The following HSD17B3 variants were observed in gnomAD, a reference collection of about 807,000 sequenced individuals.
HSD17B3 encodes hydroxysteroid 17-beta dehydrogenase 3.
HSD17B3 carries 29 observed loss-of-function variants against 41.1 expected under a neutral mutation model. The observed-to-expected ratio is 0.71, with a 90% CI of 0.53 to 0.96. HSD17B3 has a LOEUF of 0.96. HSD17B3 is among the 40% of genes least tolerant of loss of function. HSD17B3 has a pLI of 0.00. For synonymous variants in HSD17B3, 126 were observed against 145.6 expected (o/e 0.87, Z 0.97); for missense variants, 323 against 374.6 (o/e 0.86, Z 1.14).
Position 96,251,405 on chromosome 9 carries a change from A to G in HSD17B3, c.453+13T>C, listed in dbSNP as rs764295224. 2.5e-6 allele frequency: 4 copies of G among 1,611,574 alleles called. No homozygotes were observed. Among genetic ancestry groups the G allele is most frequent in the Admixed American group, 1.7e-5 (1 of 60,000 alleles). On this transcript the variant is annotated intron_variant, in intron 5 of 10. Coordinates refer to ENST00000375263, the MANE Select transcript of HSD17B3 (RefSeq NM_000197.2). ...GATAAGAGGAATCTATACACAGAAG[A>G]GCACAAGTCTACCTGGATTTCATCC...
chr9:96,291,938 C>G (rs1454051111), intron 2 of HSD17B3, among the ~76,000 whole-genome samples: 1 of 151,360 alleles, frequency 6.6e-6, no homozygotes, highest in Non-Finnish European at 1.5e-5. Flanking sequence ...GCCTAGGTGA[C>G]AGAGTGAGAC....
chr9:96,243,712 C>G (rs1222987848), intron 9 of HSD17B3, among the ~76,000 whole-genome samples: 1 of 152,198 alleles, frequency 6.6e-6, no homozygotes, highest in Admixed American at 6.5e-5. Context: ...TTAGGAATCA[C>G]ATTGCTCAGC....
At chr9:96,236,635 G>A (rs889057131) in intron 10 of HSD17B3, among the ~76,000 whole-genome samples, 4 of 152,092 alleles carry the variant, frequency 2.6e-5, no homozygotes, top group Admixed American at 1.3e-4. Context: ...AAGGAAATAC[G>A]TGAAGCCTGG....
At chr9:96,246,847 C>T (rs556530501) in intron 6 of HSD17B3, among the ~76,000 whole-genome samples, 49 of 152,238 alleles carry the variant, frequency 3.2e-4, no homozygotes, top group African/African-American at 1.2e-3. Context: ...CTAATGTCTT[C>T]CTGGAAAATG....
chr9:96,252,622 A>T (rs969087309), intron 4 of HSD17B3, among the ~76,000 whole-genome samples, 181 bp downstream of exon 4: 30 of 152,072 alleles, frequency 2.0e-4, no homozygotes, highest in Admixed American at 3.9e-4. Flanking sequence ...CAATATATAA[A>T]TTTTTTTATT....
intron 2 of HSD17B3, among the ~76,000 whole-genome samples, chr9:96,257,578 G>GT (rs1422145045): frequency 1.3e-5 from 2 of 151,996 alleles, no homozygotes; most frequent in African/African-American, 4.8e-5. Flanking sequence ...ACTTAATGAC[G>GT]TATTTTATCT....
chr9:96,252,995 A>G, intron 3 of HSD17B3, 85 bp from the exon 4 acceptor site: 1 of 831,996 alleles, frequency 1.2e-6, no homozygotes, highest in South Asian at 1.3e-5. Context: ...CTCCTGTATT[A>G]CCTGAGCAGA....
chr9:96,301,206 C>T (rs1017647241), intron 1 of HSD17B3, among the ~76,000 whole-genome samples: 82 of 152,180 alleles, frequency 5.4e-4, no homozygotes, highest in African/African-American at 1.9e-3. Context: ...TCTAATCCCC[C>T]CAATTAAAAT....
intron 9 of HSD17B3, among the ~76,000 whole-genome samples, chr9:96,243,333 G>A (rs1431885236): frequency 6.6e-6 from 1 of 152,186 alleles, no homozygotes; most frequent in Non-Finnish European, 1.5e-5. Flanking sequence ...GGCAGAGAAA[G>A]GGACTGTGAC....
At chr9:96,299,433 G>C (rs935533645) in intron 1 of HSD17B3, among the ~76,000 whole-genome samples, 1 of 152,020 alleles carries the variant, frequency 6.6e-6, no homozygotes, top group African/African-American at 2.4e-5. Flanking sequence ...GGGCATCTTG[G>C]GCCTTACCTT....
At chr9:96,264,858 T>A (rs1158991323) in intron 2 of HSD17B3, among the ~76,000 whole-genome samples, 1 of 152,364 alleles carries the variant, frequency 6.6e-6, no homozygotes, top group South Asian at 2.1e-4. Context: ...CTAGTTTATA[T>A]TTTAGCTAAG....
chr9:96,242,361 T>C (rs1477319032), intron 9 of HSD17B3, among the ~76,000 whole-genome samples: 5 of 152,224 alleles, frequency 3.3e-5, no homozygotes, highest in Non-Finnish European at 5.9e-5. Context: ...TTTAAACATA[T>C]GTACTTATTT....
intron 3 of HSD17B3, among the ~76,000 whole-genome samples, chr9:96,254,006 C>T (rs889763865): frequency 1.3e-5 from 2 of 152,114 alleles, no homozygotes; most frequent in African/African-American, 2.4e-5. Flanking sequence ...GACAGCCCAC[C>T]ATAGTCTTCA....
chr9:96,243,169 T>C (rs1052284998), intron 9 of HSD17B3, among the ~76,000 whole-genome samples: 1 of 152,246 alleles, frequency 6.6e-6, no homozygotes. Flanking sequence ...TTTAAGCCAC[T>C]GAGATTTTAG....
intron 2 of HSD17B3, among the ~76,000 whole-genome samples, chr9:96,293,961 A>G (rs1312985336): frequency 3.3e-5 from 5 of 152,038 alleles, no homozygotes; most frequent in African/African-American, 1.2e-4. Context: ...TCAATTCCCA[A>G]CCTCAGGCTT....
intron 3 of HSD17B3, among the ~76,000 whole-genome samples, 174 bp downstream of exon 3, chr9:96,254,694 T>G (rs541991479): frequency 6.6e-6 from 1 of 152,226 alleles, no homozygotes; most frequent in Non-Finnish European, 1.5e-5. Flanking sequence ...CAGTGTGCAC[T>G]AAAGCTGACA....
At chr9:96,253,617 T>C (rs1825514165) in intron 3 of HSD17B3, among the ~76,000 whole-genome samples, 1 of 152,166 alleles carries the variant, frequency 6.6e-6, no homozygotes, top group East Asian at 1.9e-4. Flanking sequence ...CGCTCCCCAC[T>C]ACTCTGTGTT....
intron 6 of HSD17B3, among the ~76,000 whole-genome samples, chr9:96,246,985 G>T (rs1836691540): frequency 6.6e-6 from 1 of 152,138 alleles, no homozygotes; most frequent in African/African-American, 2.4e-5. Flanking sequence ...GGAACTATGG[G>T]GAAACCTAAC....
intron 2 of HSD17B3, among the ~76,000 whole-genome samples, chr9:96,287,707 C>A (rs1826979519): frequency 6.7e-6 from 1 of 150,110 alleles, no homozygotes; most frequent in Non-Finnish European, 1.5e-5. Context: ...GAGACTCCGT[C>A]TCTAAATAAA....
Sources: gnomAD v4.1 joint callset for allele counts (sites outside exome capture counted in the v4.1 genomes callset) on GRCh38, gnomAD v4.1.1 for gene constraint, MANE v1.5 for transcripts, NCBI Gene and HGNC (gene_info 2026-07-23, HGNC 2026-07-21) for gene names.